Variants in NEK7 observed in about 807,000 individuals in gnomAD.
NEK7 encodes NIMA related kinase 7, also known as serine/threonine-protein kinase Nek7.
A neutral mutation model predicts 44.6 loss-of-function variants in NEK7; 18 were observed. That is an observed-to-expected ratio of 0.40 (90% CI 0.28 to 0.60). The LOEUF (loss-of-function observed/expected upper bound fraction) is 0.60, where lower values mean the gene tolerates loss of function less well. Among genes scored for constraint, NEK7 ranks in the 20% least tolerant of loss-of-function variants. The pLI is 0.38. For missense variants in NEK7, 256 were observed against 366.5 expected (o/e 0.70, Z 2.46); for synonymous variants, 130 against 121.1 (o/e 1.07, Z -0.48).
chr1:198,295,640 A>T (rs1180160944), intron 8 of NEK7, among the ~76,000 whole-genome samples: 1 of 150,610 alleles, frequency 6.6e-6, no homozygotes, highest in Admixed American at 6.6e-5. Flanking sequence ...TTTTTTTAAC[A>T]CTCTGCAGTA....
intron 1 of NEK7, among the ~76,000 whole-genome samples, chr1:198,208,192 T>C (rs1665653789): frequency 6.6e-6 from 1 of 152,230 alleles, no homozygotes; most frequent in African/African-American, 2.4e-5. Context: ...TCTTACTTGC[T>C]TGAGTGCCTG....
intron 9 of NEK7, among the ~76,000 whole-genome samples, chr1:198,311,212 A>T (rs1257253923): frequency 6.9e-6 from 1 of 144,002 alleles, no homozygotes; most frequent in African/African-American, 2.7e-5. Flanking sequence ...TGTGAATGGG[A>T]GTTCACTCAT....
intron 3 of NEK7, among the ~76,000 whole-genome samples, chr1:198,258,316 G>A (rs1178873412): frequency 1.3e-5 from 2 of 152,170 alleles, no homozygotes; most frequent in Non-Finnish European, 2.9e-5. Context: ...GCACACGCCT[G>A]TAGTCCCAGC....
At chr1:198,317,880 T>TTTGTG (rs1553258426) in intron 9 of NEK7, among the ~76,000 whole-genome samples, 2 of 124,314 alleles carry the variant, frequency 1.6e-5, no homozygotes, top group Non-Finnish European at 3.2e-5. Flanking sequence ...TATATTTATT[T>TTTGTG]TTTTTTTTTT....
At chr1:198,256,480 A>G in intron 3 of NEK7, 1 of 1,588,710 alleles carries the variant, frequency 6.3e-7, no homozygotes, top group Non-Finnish European at 8.5e-7. Context: ...GTTCATTTGC[A>G]AAAAAATAAG....
At chr1:198,175,334 TTGAG>T (rs1215911219) in intron 1 of NEK7, among the ~76,000 whole-genome samples, 1 of 152,206 alleles carries the variant, frequency 6.6e-6, no homozygotes, top group Non-Finnish European at 1.5e-5. Flanking sequence ...TTTTCTGTTA[TTGAG>T]TACTTGTTAC....
At chr1:198,276,960 A>G (rs1222716130) in intron 5 of NEK7, among the ~76,000 whole-genome samples, 3 of 151,690 alleles carry the variant, frequency 2.0e-5, no homozygotes, top group Non-Finnish European at 4.4e-5. Context: ...CAAAAAATCA[A>G]TTTAGTTGGA....
chr1:198,265,060 T>C (rs1272099595), intron 5 of NEK7, among the ~76,000 whole-genome samples: 1 of 152,102 alleles, frequency 6.6e-6, no homozygotes, highest in East Asian at 1.9e-4. Context: ...AGCTCTGCTC[T>C]ATCAAGAGTA....
intron 7 of NEK7, among the ~76,000 whole-genome samples, chr1:198,279,868 C>G (rs1260514526): frequency 1.3e-5 from 2 of 151,852 alleles, no homozygotes; most frequent in Non-Finnish European, 2.9e-5. Context: ...TGGCCTTGAA[C>G]CTGTCATCGA....
chr1:198,247,208 T>C (rs1311255996), intron 2 of NEK7, among the ~76,000 whole-genome samples: 1 of 152,256 alleles, frequency 6.6e-6, no homozygotes, highest in Non-Finnish European at 1.5e-5. Flanking sequence ...TCTATGTTTC[T>C]TATTGTGGAA....
intron 2 of NEK7, among the ~76,000 whole-genome samples, chr1:198,250,811 T>C (rs1294124769): frequency 1.3e-5 from 2 of 148,426 alleles, no homozygotes; most frequent in Admixed American, 6.7e-5. Context: ...AGATATACAA[T>C]CATGTCATCT....
At chr1:198,225,112 G>T (rs982352796) in intron 1 of NEK7, among the ~76,000 whole-genome samples, 3 of 152,180 alleles carry the variant, frequency 2.0e-5, no homozygotes, top group Non-Finnish European at 4.4e-5. Flanking sequence ...GGAGGCTGAG[G>T]TGGGAGGATC....
chr1:198,217,032 A>G (rs2102833355), intron 1 of NEK7, among the ~76,000 whole-genome samples: 1 of 152,208 alleles, frequency 6.6e-6, no homozygotes, highest in African/African-American at 2.4e-5. Context: ...CATTCAAGGA[A>G]GAATTAGTAC....
At position 198,315,264 on chromosome 1, in the gene NEK7, G is replaced by A. The variant is rs888918425; in HGVS notation, c.799-4148G>A. Among the ~76,000 whole-genome samples, 33 of 152,268 alleles carry A rather than the reference G, an allele frequency of 2.2e-4. No homozygotes were observed. In the South Asian group the frequency reaches 2.3e-3, roughly 11 times the overall value. ...AACTCTCTGACCCCTTGCGCTTCCC[G>A]AGTGAGGCAATGCCTCGCCCTGCTT... is the stretch of plus-strand genomic sequence containing the variant. On this transcript the variant is annotated intron_variant, in intron 9 of 9. Coordinates refer to ENST00000367385, the MANE Select transcript of NEK7 (RefSeq NM_133494.3).
At chr1:198,279,895 A>G (rs2102984151) in intron 7 of NEK7, among the ~76,000 whole-genome samples, 1 of 152,148 alleles carries the variant, frequency 6.6e-6, no homozygotes, top group East Asian at 1.9e-4. Context: ...CTATATTTCT[A>G]AAACAGTACC....
At chr1:198,252,569 A>ATATATATATATAT (rs1558079353) in intron 2 of NEK7, among the ~76,000 whole-genome samples, 7 of 21,078 alleles carry the variant, frequency 3.3e-4, no homozygotes, top group Non-Finnish European at 4.2e-4. Context: ...TATATATATA[A>ATATATATATATAT]AAAGTACATA....
intron 9 of NEK7, among the ~76,000 whole-genome samples, chr1:198,318,483 A>T (rs1655439325): frequency 6.6e-6 from 1 of 152,184 alleles, no homozygotes; most frequent in African/African-American, 2.4e-5. Context: ...GAGAACTATG[A>T]AGAAATTGTG....
chr1:198,257,136 A>G (rs563458804), intron 3 of NEK7, among the ~76,000 whole-genome samples: 1 of 152,294 alleles, frequency 6.6e-6, no homozygotes, highest in East Asian at 1.9e-4. Context: ...TGTGGCAGCC[A>G]TTGTCAGTGA....
chr1:198,181,006 C>G (rs1298546886), intron 1 of NEK7, among the ~76,000 whole-genome samples: 1 of 151,878 alleles, frequency 6.6e-6, no homozygotes, highest in African/African-American at 2.4e-5. Context: ...GTTATCAAAC[C>G]AAGAAGGTCA....
Sources: gnomAD v4.1 joint callset for allele counts (sites outside exome capture counted in the v4.1 genomes callset) on GRCh38, gnomAD v4.1.1 for gene constraint, MANE v1.5 for transcripts, NCBI Gene and HGNC (gene_info 2026-07-23, HGNC 2026-07-21) for gene names.